The following MEF2A variants were observed in gnomAD, a reference collection of about 807,000 sequenced individuals.
The protein encoded by MEF2A is myocyte-specific enhancer factor 2A.
MEF2A carries 28 observed loss-of-function variants against 55.8 expected under a neutral mutation model. The observed-to-expected ratio is 0.50, with a 90% CI of 0.37 to 0.69. The LOEUF (loss-of-function observed/expected upper bound fraction) is 0.69. Among genes scored for constraint, MEF2A ranks in the 30% least tolerant of loss-of-function variants. The probability of loss-of-function intolerance (pLI) is 0.00; values close to 1 mark genes in which losing one functional copy is unlikely to be tolerated. For synonymous variants in MEF2A, 239 were observed against 227.1 expected (o/e 1.05, Z -0.47); for missense variants, 528 against 626.2 (o/e 0.84, Z 1.67).
At chr15:99,705,226 G>C (rs2057892723) in intron 9 of MEF2A, among the ~76,000 whole-genome samples, 1 of 152,196 alleles carries the variant, frequency 6.6e-6, no homozygotes, top group East Asian at 1.9e-4. Flanking sequence ...AGCAATACTA[G>C]AACAACTTGA....
intron 2 of MEF2A, among the ~76,000 whole-genome samples, chr15:99,610,981 C>T (rs1378645190): frequency 6.6e-6 from 1 of 152,250 alleles, no homozygotes; most frequent in Admixed American, 6.5e-5. Context: ...TTGGCTCATG[C>T]CTATAATCCC....
intron 1 of MEF2A, among the ~76,000 whole-genome samples, chr15:99,594,752 A>C (rs1023474505): frequency 1.3e-5 from 2 of 152,090 alleles, no homozygotes; most frequent in Non-Finnish European, 2.9e-5. Context: ...CATTATTTCT[A>C]TCTGTGTGAT....
At chr15:99,681,486 C>T (rs543702530) in intron 7 of MEF2A, among the ~76,000 whole-genome samples, 6 of 152,304 alleles carry the variant, frequency 3.9e-5, no homozygotes, top group African/African-American at 1.4e-4. Context: ...AGTTTTCAGT[C>T]ATTCACATGG....
chr15:99,592,000 A>G lies in MEF2A; in HGVS notation c.-224-6430A>G, dbSNP rs557371194. Reference sequence around the variant, plus strand: ...GTCACACATTTCTTCATTTTCTTACATTTAGTAAGTTTTGATTGACTCCTG... The same window carrying G: ...GTCACACATTTCTTCATTTTCTTACGTTTAGTAAGTTTTGATTGACTCCTG... On this transcript the variant is annotated intron_variant, in intron 1 of 11. Transcript: ENST00000557942. Among the ~76,000 whole-genome samples, 3 of 152,078 alleles carry G rather than the reference A, an allele frequency of 2.0e-5. 1 individual carries two copies. Among genetic ancestry groups the G allele is most frequent in the African/African-American group, 7.2e-5 (3 of 41,474 alleles).
rs568793688 is a variant in MEF2A at position 99,686,228 on chromosome 15, C to T, written c.671-4013C>T. On this transcript the variant is annotated intron_variant, in intron 7 of 11. Coordinates refer to ENST00000557942, the MANE Select transcript of MEF2A (RefSeq NM_001319206.4). Reference sequence around the variant, plus strand: ...GAACATTTAGGCCATTTATATTCAACGTTAATATTGAGATGTGAGGTACTA... The same window carrying T: ...GAACATTTAGGCCATTTATATTCAATGTTAATATTGAGATGTGAGGTACTA... 1.6e-4 allele frequency among the ~76,000 whole-genome samples: 25 copies of T among 152,178 alleles called. No individual in the cohort carries two copies. The South Asian group carries it at 4.6e-3, about 28-fold the overall frequency.
chr15:99,619,046 T>C (rs928572800), intron 2 of MEF2A, among the ~76,000 whole-genome samples: 3 of 152,132 alleles, frequency 2.0e-5, no homozygotes, highest in Admixed American at 2.0e-4. Flanking sequence ...TTGTAACACC[T>C]CTGGCATGGC....
intron 4 of MEF2A, among the ~76,000 whole-genome samples, chr15:99,663,770 T>TA (rs1238737307): frequency 6.6e-6 from 1 of 151,990 alleles, no homozygotes; most frequent in East Asian, 1.9e-4. Context: ...TCAACATACT[T>TA]AAAAAAAAGT....
At chr15:99,583,268 A>G (rs1966461927) in intron 1 of MEF2A, among the ~76,000 whole-genome samples, 1 of 152,108 alleles carries the variant, frequency 6.6e-6, no homozygotes, top group African/African-American at 2.4e-5. Flanking sequence ...GCATTCCTCA[A>G]ATGTCCTCTG....
intron 1 of MEF2A, among the ~76,000 whole-genome samples, chr15:99,594,470 T>C (rs1250843097): frequency 6.7e-6 from 1 of 148,512 alleles, no homozygotes; most frequent in African/African-American, 2.5e-5. Context: ...TTTTTTTTTT[T>C]TTTTTTTTTT....
chr15:99,591,055 C>T lies in MEF2A; in HGVS notation c.-224-7375C>T, dbSNP rs1032278436. On this transcript the variant is annotated intron_variant, in intron 1 of 11. Coordinates refer to ENST00000557942, the MANE Select transcript of MEF2A (RefSeq NM_001319206.4). The stretch of plus-strand genomic sequence containing the variant: ...ACCCCAATCCCACCCTTTGCAGGTT[C>T]CCTCTTGTATTGGTGTGGTACATTT... 2.0e-5 allele frequency among the ~76,000 whole-genome samples: 3 copies of T among 152,118 alleles called. No individual in the cohort carries two copies. The South Asian group carries it at 6.2e-4, about 31-fold the overall frequency.
rs1293094299 is a variant in MEF2A, at chr15:99,715,435, A to G, written c.*2664A>G. On this transcript the variant is annotated 3_prime_UTR_variant, in exon 12 of 12. Coordinates refer to ENST00000557942, the MANE Select transcript of MEF2A (RefSeq NM_001319206.4). ...AAGGCTCGGAGTTTGTATTTAAATT[A>G]CACTGACCAAGTAACAATGTATTCC... The G allele has an allele frequency of 6.6e-6, 1 of 152,236 alleles. No individual in the cohort carries two copies. The highest frequency in any genetic ancestry group is 1.5e-5 in the Non-Finnish European group (1 of 68,042). 9.4% of individuals were successfully genotyped at this position (152,236 alleles called of 1,614,324 possible).
At chr15:99,574,331 T>C (rs995568397) in intron 1 of MEF2A, among the ~76,000 whole-genome samples, 1 of 152,194 alleles carries the variant, frequency 6.6e-6, no homozygotes, top group African/African-American at 2.4e-5. Context: ...GGAAGACAAT[T>C]TTTCCATGAA....
intron 8 of MEF2A, 37 bp from the exon 9 acceptor site, chr15:99,703,325 T>C: frequency 6.2e-7 from 1 of 1,610,470 alleles, no homozygotes; most frequent in Non-Finnish European, 8.5e-7. Context: ...CCAACAGTCT[T>C]AGTAACTCTC....
chr15:99,625,641 T>G (rs1271826689), intron 2 of MEF2A, among the ~76,000 whole-genome samples: 1 of 152,104 alleles, frequency 6.6e-6, no homozygotes, highest in African/African-American at 2.4e-5. Flanking sequence ...TATGATGAAG[T>G]AGTTTCCTTC....
intron 1 of MEF2A, among the ~76,000 whole-genome samples, chr15:99,592,927 T>C (rs1396230799): frequency 1.3e-5 from 2 of 152,148 alleles, no homozygotes; most frequent in African/African-American, 2.4e-5. Context: ...GGGATGTAGG[T>C]TGGAAAAACA....
chr15:99,658,702 A>G (rs904064814), intron 4 of MEF2A, among the ~76,000 whole-genome samples: 7 of 152,234 alleles, frequency 4.6e-5, no homozygotes, highest in African/African-American at 9.6e-5. Flanking sequence ...AAAGAGTGCT[A>G]TTTCCAAATA....
intron 4 of MEF2A, among the ~76,000 whole-genome samples, chr15:99,661,755 T>G (rs989539024): frequency 1.3e-5 from 2 of 151,974 alleles, no homozygotes; most frequent in Non-Finnish European, 2.9e-5. Context: ...TCCACATGTT[T>G]TATGAACTAA....
At chr15:99,608,933 T>G (rs1371824700) in intron 2 of MEF2A, among the ~76,000 whole-genome samples, 1 of 152,114 alleles carries the variant, frequency 6.6e-6, no homozygotes, top group Non-Finnish European at 1.5e-5. Context: ...ATTTTGTTGT[T>G]CTGATTTTAG....
At chr15:99,688,765 A>G (rs1040934389) in intron 7 of MEF2A, among the ~76,000 whole-genome samples, 4 of 152,164 alleles carry the variant, frequency 2.6e-5, no homozygotes, top group African/African-American at 9.7e-5. Flanking sequence ...TGAAAAGTAA[A>G]TAAATAAATA....
Sources: gnomAD v4.1 joint callset for allele counts (sites outside exome capture counted in the v4.1 genomes callset) on GRCh38, gnomAD v4.1.1 for gene constraint, MANE v1.5 for transcripts, NCBI Gene and HGNC (gene_info 2026-07-23, HGNC 2026-07-21) for gene names.